ULK2: variants seen among roughly 807,000 people sequenced by gnomAD.
ULK2 encodes unc-51 like autophagy activating kinase 2.
In ULK2, 76 loss-of-function variants were observed where a neutral mutation model predicts 127.5. That is an observed-to-expected ratio of 0.60 (90% confidence interval 0.50 to 0.72). The LOEUF is 0.72. Ranked by LOEUF, ULK2 falls within the 30% of genes least tolerant of loss-of-function variation. The pLI, the probability that ULK2 is intolerant of heterozygous loss-of-function variation, is 0.00. For synonymous variants in ULK2, 452 were observed against 461.9 expected, an observed-to-expected ratio of 0.98 and a Z score of 0.28; for missense variants, 1,144 against 1,295.9, an observed-to-expected ratio of 0.88 and a Z score of 1.80.
In ULK2 at chr17:19,774,169, A is replaced by G. The variant is rs1198821065; in HGVS notation, c.*2180T>C. ...AAAAATACTCAGGGAAACATAAAGC[A>G]TTTGTTTATTATTGCTATACTCAAG... On this transcript the variant is annotated 3_prime_UTR_variant, in exon 27 of 27. Transcript: ENST00000395544. 1 of 152,636 alleles carries G rather than the reference A, an allele frequency of 6.6e-6. No individual in the cohort carries two copies. Among genetic ancestry groups the G allele is most frequent in the Non-Finnish European group, 1.5e-5 (1 of 68,036 alleles). The allele number at this position is 152,636 out of a possible 1,614,324, so 9.5% of individuals were successfully genotyped here.
At chr17:19,828,076 CA>C (rs977870476) in intron 10 of ULK2, among the ~76,000 whole-genome samples, 1 of 152,084 alleles carries the variant, frequency 6.6e-6, no homozygotes, top group African/African-American at 2.4e-5. Flanking sequence ...AATTTCCCAT[CA>C]AAAATCTTGA....
chr17:19,844,918 C>G (rs1005018275), intron 7 of ULK2, among the ~76,000 whole-genome samples: 61 of 152,232 alleles, frequency 4.0e-4, no homozygotes, highest in African/African-American at 1.3e-3. Flanking sequence ...GATCCTGTCA[C>G]GAGAGTTAAC....
intron 12 of ULK2, among the ~76,000 whole-genome samples, chr17:19,819,504 T>C (rs1303290490): frequency 6.6e-6 from 1 of 152,228 alleles, no homozygotes; most frequent in Non-Finnish European, 1.5e-5. Flanking sequence ...CGAGTGACCA[T>C]GCTCACTGTC....
chr17:19,795,277 G>A (rs1340907667), intron 20 of ULK2, among the ~76,000 whole-genome samples: 1 of 138,702 alleles, frequency 7.2e-6, no homozygotes, highest in African/African-American at 2.7e-5. Context: ...ATAAAATCCA[G>A]TTGCTGTAAA....
In ULK2 at chr17:19,828,060, T is replaced by C. The variant is rs187403726; in HGVS notation, c.788-1874A>G. On this transcript the variant is annotated intron_variant, in intron 10 of 26. Transcript: ENST00000395544. ...TATACAGGGATCCTTAATAAGAATA[T>C]CAGCCAATTTCCCATCAAAAATCTT... 6.6e-5 allele frequency among the ~76,000 whole-genome samples: 10 copies of C among 152,218 alleles called. No homozygotes were observed. The East Asian group carries it at 1.9e-3, about 29-fold the overall frequency.
At chr17:19,848,161 A>C (rs1210975961) in intron 5 of ULK2, 2 of 152,190 alleles carry the variant, frequency 1.3e-5, no homozygotes, top group African/African-American at 4.8e-5. Flanking sequence ...AAAATTATGA[A>C]AACTTTAGAA....
intron 25 of ULK2, among the ~76,000 whole-genome samples, chr17:19,778,509 C>A (rs1213666554): frequency 6.6e-6 from 1 of 152,198 alleles, no homozygotes; most frequent in Non-Finnish European, 1.5e-5. Context: ...GTTTCCCCAT[C>A]GACATTCTGA....
chr17:19,776,427 A>C lies in ULK2; in HGVS notation c.3053-20T>G. ...ATTTATCTAGAAATAAAATAACAAA[A>C]ATGAAGAACTAATGAAAAAAATCAC... is the stretch of plus-strand genomic sequence containing the variant. On this transcript the variant is annotated intron_variant, in intron 26 of 26. Coordinates refer to ENST00000395544, the MANE Select transcript of ULK2 (RefSeq NM_014683.4). 6.4e-7 allele frequency: 1 copy of C among 1,567,766 alleles called. No individual in the cohort carries two copies. Among genetic ancestry groups the C allele is most frequent in the Non-Finnish European group, 8.6e-7 (1 of 1,156,250 alleles).
chr17:19,867,272 C>A (rs995889227), intron 1 of ULK2, 56 bp downstream of exon 1: 20 of 1,382,260 alleles, frequency 1.4e-5, no homozygotes, highest in Non-Finnish European at 1.7e-5. Context: ...AGTTTCAGAA[C>A]CACCTAGCCC....
intron 5 of ULK2, 79 bp from the exon 6 acceptor site, chr17:19,846,989 T>C: frequency 1.4e-6 from 2 of 1,392,520 alleles, no homozygotes; most frequent in Non-Finnish European, 1.9e-6. Flanking sequence ...CAGGATTGGG[T>C]TGTGAAGGAG....
rs2086768020 is a variant in ULK2 at position 19,773,693 on chromosome 17, A to T, written c.*2656T>A. 6.6e-6 allele frequency: 1 copy of T among 152,222 alleles called. No homozygotes were observed. Among genetic ancestry groups the T allele is most frequent in the African/African-American group, 2.4e-5 (1 of 41,448 alleles). The allele number at this position is 152,222 out of a possible 1,614,324, so 9.4% of individuals were successfully genotyped here. A position where few individuals can be genotyped will look rare whatever the true frequency, so the allele number is the denominator to read the frequency against. ...ATGCTATCCTTCTCTGGACTGAAGC[A>T]GTTACAGGATGGCTGCACAGAGTAC... is the stretch of plus-strand genomic sequence containing the variant. On this transcript the variant is annotated 3_prime_UTR_variant, in exon 27 of 27. Transcript: ENST00000395544.
intron 1 of ULK2, among the ~76,000 whole-genome samples, chr17:19,866,533 A>G (rs564761982): frequency 2.6e-5 from 4 of 152,212 alleles, no homozygotes; most frequent in African/African-American, 9.6e-5. Flanking sequence ...AATAAATAAG[A>G]AAAGTAGCAT....
intron 26 of ULK2, among the ~76,000 whole-genome samples, chr17:19,776,740 A>G (rs1324149819): frequency 1.3e-5 from 2 of 152,304 alleles, no homozygotes; most frequent in South Asian, 2.1e-4. Context: ...CTTGTATGTG[A>G]TAAGTAATAA....
intron 3 of ULK2, among the ~76,000 whole-genome samples, chr17:19,860,404 T>C (rs1248401938): frequency 6.6e-6 from 1 of 152,222 alleles, no homozygotes; most frequent in Non-Finnish European, 1.5e-5. Flanking sequence ...ATAGTTACTG[T>C]ATTAATTCCT....
intron 11 of ULK2, among the ~76,000 whole-genome samples, chr17:19,825,480 C>T (rs1048272471): frequency 1.3e-5 from 2 of 152,164 alleles, no homozygotes; most frequent in African/African-American, 4.8e-5. Flanking sequence ...GAGGCTGAGG[C>T]AGGAGGATCA....
chr17:19,845,890 C>T (rs1350650277), intron 6 of ULK2, among the ~76,000 whole-genome samples: 1 of 151,982 alleles, frequency 6.6e-6, no homozygotes, highest in Non-Finnish European at 1.5e-5. Context: ...GGGCAGATCA[C>T]CTAAAGTCAG....
chr17:19,784,815 C>T (rs2086994388), intron 21 of ULK2, among the ~76,000 whole-genome samples: 1 of 152,066 alleles, frequency 6.6e-6, no homozygotes, highest in African/African-American at 2.4e-5. Context: ...CATGAACCAC[C>T]ATGCCCAGTC....
intron 3 of ULK2, among the ~76,000 whole-genome samples, chr17:19,855,175 C>A (rs546022561): frequency 6.6e-6 from 1 of 150,924 alleles, no homozygotes; most frequent in East Asian, 2.0e-4. Context: ...GAGGCCGAGG[C>A]GGGTGGATCA....
intron 17 of ULK2, among the ~76,000 whole-genome samples, chr17:19,799,215 A>G (rs920518820): frequency 6.6e-6 from 1 of 151,944 alleles, no homozygotes; most frequent in Non-Finnish European, 1.5e-5. Flanking sequence ...ATAAAATTTC[A>G]CTCCATAAAT....
Sources: allele counts gnomAD v4.1 joint callset (sites outside exome capture counted in the v4.1 genomes callset), GRCh38; gene constraint gnomAD v4.1.1; transcripts MANE v1.5; gene names NCBI Gene and HGNC (gene_info 2026-07-23, HGNC 2026-07-21).